Variants in PTPRJ observed in about 807,000 individuals in gnomAD.
PTPRJ encodes receptor-type tyrosine-protein phosphatase eta.
PTPRJ carries 129 observed loss-of-function variants against 141.3 expected under a neutral mutation model. The ratio of observed to expected loss-of-function variants is 0.91; its 90% CI spans 0.79 to 1.06. The LOEUF (loss-of-function observed/expected upper bound fraction) is 1.06, where lower values mean the gene tolerates loss of function less well. PTPRJ is among the 50% of genes least tolerant of loss of function. The pLI is 0.00. For synonymous variants in PTPRJ, 610 were observed against 640.5 expected (o/e 0.95, Z 0.72); for missense variants, 1,601 against 1,679.7 (o/e 0.95, Z 0.82).
chr11:48,162,070 A>T (rs1857797515), intron 22 of PTPRJ, among the ~76,000 whole-genome samples: 1 of 152,148 alleles, frequency 6.6e-6, no homozygotes, highest in African/African-American at 2.4e-5. Flanking sequence ...ATTTTTTATT[A>T]ACTAAACTCC....
chr11:48,094,572 T>A (rs1053028365), intron 1 of PTPRJ, among the ~76,000 whole-genome samples: 5 of 152,192 alleles, frequency 3.3e-5, no homozygotes, highest in Admixed American at 1.3e-4. Context: ...CCTATTTTCT[T>A]GTAGATCTAA....
At chr11:48,027,874 G>A (rs545704899) in intron 1 of PTPRJ, among the ~76,000 whole-genome samples, 5 of 150,078 alleles carry the variant, frequency 3.3e-5, no homozygotes, top group Admixed American at 2.0e-4. Context: ...GTATTGTCAG[G>A]TTTGTTTCTT....
chr11:48,121,557 T>TA (rs1405142800), intron 4 of PTPRJ, among the ~76,000 whole-genome samples: 1 of 152,180 alleles, frequency 6.6e-6, no homozygotes, highest in Non-Finnish European at 1.5e-5. Context: ...GAGACTTCCT[T>TA]AAAAACGCGT....
chr11:48,048,215 A>G (rs1854460460), intron 1 of PTPRJ, among the ~76,000 whole-genome samples: 2 of 152,102 alleles, frequency 1.3e-5, no homozygotes, highest in South Asian at 4.1e-4. Flanking sequence ...TTGGGAGGTC[A>G]GTGCCTTCAT....
intron 6 of PTPRJ, 131 bp from the exon 7 acceptor site, chr11:48,127,649 T>C (rs1350476465): frequency 5.3e-6 from 5 of 941,038 alleles, no homozygotes; most frequent in African/African-American, 1.6e-5. Context: ...CTAGCCACGG[T>C]TGATGGTGCA....
chr11:48,149,383 C>A, intron 15 of PTPRJ, 64 bp from the exon 16 acceptor site: 1 of 1,119,148 alleles, frequency 8.9e-7, no homozygotes, highest in Non-Finnish European at 1.3e-6. Context: ...ACTCCAGATA[C>A]ACAAGGGAAA....
rs1378418093 is a variant in PTPRJ at position 48,156,013 on chromosome 11, C to T, written c.3332C>T (p.Ala1111Val). 1 of 1,609,138 alleles carries T rather than the reference C, an allele frequency of 6.2e-7. No individual in the cohort carries two copies. The highest frequency in any genetic ancestry group is 8.5e-7 in the Non-Finnish European group (1 of 1,175,696). ...PGYHSKKDFI[A>V]TQGPLPNTLK... ...TACCACTCCAAGAAAGATTTTATTGCCACACAAGGACCTTTACCGAACACT... is the reference window on the plus strand; with the variant it reads ...TACCACTCCAAGAAAGATTTTATTGTCACACAAGGACCTTTACCGAACACT... Residue 1111 changes from alanine (A) to valine (V), a missense_variant, in exon 21 of 25, where the codon GCC (alanine) becomes GTC (valine). Ala to Val is a moderately conservative substitution (Grantham distance 64). Transcript: ENST00000418331.
chr11:48,031,128 G>A (rs1853970469), intron 1 of PTPRJ, among the ~76,000 whole-genome samples: 2 of 152,274 alleles, frequency 1.3e-5, no homozygotes, highest in East Asian at 1.9e-4. Flanking sequence ...ACCATTGCCT[G>A]TTAGATTCTT....
At chr11:48,129,018 G>A (rs1856906792) in intron 7 of PTPRJ, among the ~76,000 whole-genome samples, 1 of 152,188 alleles carries the variant, frequency 6.6e-6, no homozygotes, top group East Asian at 1.9e-4. Context: ...CAAAACCCAA[G>A]TATCCGTGGC....
At chr11:48,103,079 G>A (rs1565304134) in intron 1 of PTPRJ, among the ~76,000 whole-genome samples, 1 of 152,308 alleles carries the variant, frequency 6.6e-6, no homozygotes, top group African/African-American at 2.4e-5. Context: ...GCTCCTTGAG[G>A]TGTGTCAGGG....
chr11:48,073,535 G>C (rs953476498), intron 1 of PTPRJ, among the ~76,000 whole-genome samples: 6 of 152,108 alleles, frequency 3.9e-5, no homozygotes, highest in African/African-American at 1.4e-4. Flanking sequence ...CTTTTCCTTT[G>C]CTGCCAATAG....
At chr11:48,070,864 CA>C (rs1389549700) in intron 1 of PTPRJ, among the ~76,000 whole-genome samples, 2 of 152,200 alleles carry the variant, frequency 1.3e-5, no homozygotes, top group African/African-American at 4.8e-5. Context: ...AATTTATCAA[CA>C]ACAGCAAATA....
Position 48,120,976 on chromosome 11 carries a change from ATT to A in PTPRJ, c.353-12_353-11del, listed in dbSNP as rs34681195. ...TTACATTTCTTTTTGAAGTGCAATA[ATT>A]TTTTTTTTTTTTTTAACAATATAGG... is the stretch of plus-strand genomic sequence containing the variant. On this transcript the variant is annotated intron_variant, in intron 3 of 24. Coordinates refer to ENST00000418331, the MANE Select transcript of PTPRJ (RefSeq NM_002843.4). The A allele has an allele frequency of 0.07, 89,635 of 1,279,240 alleles. 5 individuals are homozygous for A. The highest frequency in any genetic ancestry group is 0.084 in the Admixed American group (3,063 of 36,344). The allele number at this position is 1,279,240 out of a possible 1,614,324, so 79.2% of individuals were successfully genotyped here. A position where few individuals can be genotyped will look rare whatever the true frequency, so the allele number is the denominator to read the frequency against.
intron 14 of PTPRJ, among the ~76,000 whole-genome samples, chr11:48,146,048 C>T (rs1857343292): frequency 6.6e-6 from 1 of 152,106 alleles, no homozygotes; most frequent in Non-Finnish European, 1.5e-5. Context: ...GCTATGTTGC[C>T]CAGGCTGGTC....
intron 1 of PTPRJ, among the ~76,000 whole-genome samples, chr11:48,087,723 C>T (rs1855753496): frequency 6.6e-6 from 1 of 152,186 alleles, no homozygotes. Context: ...CAGATTCTAC[C>T]TCTGTTACTT....
chr11:48,120,936 G>A, intron 3 of PTPRJ, 67 bp from the exon 4 acceptor site: 6 of 1,391,314 alleles, frequency 4.3e-6, no homozygotes, highest in Non-Finnish European at 5.8e-6. Context: ...TAGACATATA[G>A]AGCAGACCTC....
rs780618610 is a variant in PTPRJ, at chr11:48,159,959, G to A, written c.3468G>A (p.Lys1156=). ...AATGTGAGGAGTATTGGCCCTCCAA[G>A]CAGGCTCAGGACTATGGAGACATAA... is the stretch of plus-strand genomic sequence containing the variant. ...RTKCEEYWPS[K]QAQDYGDITV... The change falls in exon 22 of 25, where the codon AAG becomes AAA. Residue 1156 remains lysine (K), a synonymous_variant. Coordinates refer to ENST00000418331, the MANE Select transcript of PTPRJ (RefSeq NM_002843.4). 3.7e-6 allele frequency: 6 copies of A among 1,613,926 alleles called. No individual in the cohort carries two copies. Among genetic ancestry groups the A allele is most frequent in the Non-Finnish European group, 1.7e-6 (2 of 1,179,896 alleles).
chr11:48,082,785 T>C (rs1454101239), intron 1 of PTPRJ, among the ~76,000 whole-genome samples: 1 of 152,106 alleles, frequency 6.6e-6, no homozygotes, highest in African/African-American at 2.4e-5. Flanking sequence ...CAATAAACCA[T>C]GTATTACATA....
At chr11:48,155,311 T>C (rs1413103035) in intron 19 of PTPRJ, among the ~76,000 whole-genome samples, 1 of 152,096 alleles carries the variant, frequency 6.6e-6, no homozygotes, top group South Asian at 2.1e-4. Context: ...GGGCACTAGA[T>C]TTGAATTTTG....
Sources: allele counts gnomAD v4.1 joint callset (sites outside exome capture counted in the v4.1 genomes callset), GRCh38; gene constraint gnomAD v4.1.1; transcripts MANE v1.5; gene names NCBI Gene and HGNC (gene_info 2026-07-23, HGNC 2026-07-21).